The following LRRC41 variants were observed in gnomAD, a reference collection of about 807,000 sequenced individuals.
LRRC41 encodes leucine-rich repeat-containing protein 41.
LRRC41 carries 17 observed loss-of-function variants against 72.1 expected under a neutral mutation model. The observed-to-expected ratio is 0.24, with a 90% CI of 0.16 to 0.35. The LOEUF (loss-of-function observed/expected upper bound fraction) is 0.35, where lower values mean the gene tolerates loss of function less well. Among genes scored for constraint, LRRC41 ranks in the 10% least tolerant of loss-of-function variants. LRRC41 has a pLI of 1.00. For missense variants in LRRC41, 759 were observed against 1,065.0 expected (o/e 0.71, Z 4.00); for synonymous variants, 427 against 431.0 (o/e 0.99, Z 0.11).
intron 1 of LRRC41, among the ~76,000 whole-genome samples, chr1:46,301,410 G>C (rs1661220202): frequency 1.3e-5 from 2 of 152,016 alleles, no homozygotes; most frequent in African/African-American, 4.8e-5. Context: ...TCAGCTCTAC[G>C]GAGCCTTTCC....
At position 46,285,201 on chromosome 1, in the gene LRRC41, T is replaced by C. The variant is rs1363952945; in HGVS notation, c.1495+161A>G. The C allele has an allele frequency of 1.4e-6, 1 of 694,558 alleles. No homozygotes were observed. The highest frequency in any genetic ancestry group is 2.5e-6 in the Non-Finnish European group (1 of 398,858). The allele number at this position is 694,558 out of a possible 1,614,324, so 43.0% of individuals were successfully genotyped here. ...AGTGTATAGACTTTATGTTCCTCTC[T>C]TCTAGCAATGACAGTCTCCCCTGCT... On this transcript the variant is annotated intron_variant, in intron 4 of 9. Transcript: ENST00000617190. This position sits in a 1 kb window ranked among gnomAD's most constrained non-coding sequence, Gnocchi z 5.3.
chr1:46,303,429 T>G lies in LRRC41; in HGVS notation c.-107A>C, dbSNP rs72883426. ...CGATATGGGGAAGAATGTGAATTAT[T>G]CTAAAGAAATTTCGAAGAAATTAGC... On this transcript the variant is annotated 5_prime_UTR_variant, in exon 1 of 10. Coordinates refer to ENST00000617190, the MANE Select transcript of LRRC41 (RefSeq NM_006369.5). The G allele has an allele frequency of 3.0e-3, 3,344 of 1,115,530 alleles. 48 individuals are homozygous for G. The highest frequency in any genetic ancestry group is 0.024 in the African/African-American group (1,519 of 62,920). 69.1% of individuals were successfully genotyped at this position (1,115,530 alleles called of 1,614,324 possible).
chr1:46,291,519 T>C lies in LRRC41; in HGVS notation c.358-5020A>G, dbSNP rs144263467. ...ACAGCTAATTTTTAAATTTTTTCTGTAGAGATAAGGTCTCACTGTGTTGCC... is the reference window on the plus strand; with the variant it reads ...ACAGCTAATTTTTAAATTTTTTCTGCAGAGATAAGGTCTCACTGTGTTGCC... On this transcript the variant is annotated intron_variant, in intron 3 of 9. Coordinates refer to ENST00000617190, the MANE Select transcript of LRRC41 (RefSeq NM_006369.5). Among the ~76,000 whole-genome samples the C allele has an allele frequency of 4.7e-5, 7 of 150,376 alleles. No individual in the cohort carries two copies. In the East Asian group the frequency reaches 1.4e-3, roughly 29 times the overall value.
chr1:46,303,504 C>T lies in LRRC41; in HGVS notation c.-182G>A, dbSNP rs1235028569. 4 of 744,762 alleles carry T rather than the reference C, an allele frequency of 5.4e-6. No homozygotes were observed. The highest frequency in any genetic ancestry group is 6.4e-6 in the Non-Finnish European group (3 of 470,000). The allele number at this position is 744,762 out of a possible 1,614,324, so 46.1% of individuals were successfully genotyped here. A position where few individuals can be genotyped will look rare whatever the true frequency, so the allele number is the denominator to read the frequency against. The stretch of plus-strand genomic sequence containing the variant: ...TACTATTTTAGATAAACTCCTAGAT[C>T]AATTATACTTGGGTGTGGTATGACT... On this transcript the variant is annotated 5_prime_UTR_variant, in exon 1 of 10. Coordinates refer to ENST00000617190, the MANE Select transcript of LRRC41 (RefSeq NM_006369.5).
rs767765186 is a variant in LRRC41, at chr1:46,278,925, A to G, written c.2379T>C (p.His793=). 3.1e-6 allele frequency: 5 copies of G among 1,613,704 alleles called. No individual in the cohort carries two copies. The highest frequency in any genetic ancestry group is 3.3e-5 in the Admixed American group (2 of 59,980). Residue 793 remains histidine (H), a synonymous_variant, in exon 10 of 10, where the codon CAT becomes CAC. Transcript: ENST00000617190. The part of the protein sequence containing the change: ...EAIRRLRATC[H]VVSDSWDSSQ... Reference sequence around the variant, plus strand: ...ATGAGTCCCATGAGTCGCTAACCACATGGCAGGTAGCCCGGAGCCGCCGGA... The same window carrying G: ...ATGAGTCCCATGAGTCGCTAACCACGTGGCAGGTAGCCCGGAGCCGCCGGA...
In LRRC41 at chr1:46,302,874, G is replaced by C. The variant is rs1034430148; in HGVS notation, c.199+250C>G. 8.1e-6 allele frequency: 8 copies of C among 985,198 alleles called. No homozygotes were observed. The highest frequency in any genetic ancestry group is 3.5e-5 in the African/African-American group (2 of 57,194). The allele number at this position is 985,198 out of a possible 1,614,324, so 61.0% of individuals were successfully genotyped here. On this transcript the variant is annotated intron_variant, in intron 1 of 9. Transcript: ENST00000617190. The surrounding 1 kb of genome is among the most constrained non-coding windows in gnomAD (Gnocchi z 4.7). ...GGCCCAGCCTGCTTCGCTCCAGACC[G>C]GGCCTCCTGGCCTCGCCCCCCGCGC...
At chr1:46,290,273 A>T (rs888479125) in intron 3 of LRRC41, among the ~76,000 whole-genome samples, 1 of 152,156 alleles carries the variant, frequency 6.6e-6, no homozygotes, top group Non-Finnish European at 1.5e-5. Flanking sequence ...AGCTGGGCAT[A>T]GTGGTGCATG....
intron 3 of LRRC41, among the ~76,000 whole-genome samples, chr1:46,290,609 T>A (rs1282314981): frequency 2.0e-5 from 3 of 151,978 alleles, no homozygotes; most frequent in African/African-American, 4.8e-5. Context: ...TTTCCATTGT[T>A]TCTAGCTTTT....
chr1:46,282,862 G>A (rs190987505), intron 4 of LRRC41, among the ~76,000 whole-genome samples: 4 of 151,922 alleles, frequency 2.6e-5, no homozygotes, highest in Admixed American at 6.6e-5. Flanking sequence ...GTGAAACCCC[G>A]TCTCTACTAA....
Position 46,285,177 on chromosome 1 carries a change from G to A in LRRC41, c.1495+185C>T, listed in dbSNP as rs1157909092. On this transcript the variant is annotated intron_variant, in intron 4 of 9. Transcript: ENST00000617190. This position sits in a 1 kb window ranked among gnomAD's most constrained non-coding sequence, Gnocchi z 5.3. ...ACCCCTGCTTTCAACAACTAATCAA[G>A]TGTATAGACTTTATGTTCCTCTCTT... The A allele has an allele frequency of 4.7e-6, 3 of 634,202 alleles. No individual in the cohort carries two copies. Among genetic ancestry groups the A allele is most frequent in the Admixed American group, 2.9e-5 (1 of 34,738 alleles). 39.3% of individuals were successfully genotyped at this position (634,202 alleles called of 1,614,324 possible). A position where few individuals can be genotyped will look rare whatever the true frequency, so the allele number is the denominator to read the frequency against.
Position 46,280,575 on chromosome 1 carries a change from G to A in LRRC41, c.1757-15C>T. ...CAGGCAGTTTTCTGGATATGGTGGG[G>A]AAAGAAGATTCCAGCTGGCCATCTC... is the stretch of plus-strand genomic sequence containing the variant. On this transcript the variant is annotated splice_polypyrimidine_tract_variant and intron_variant, in intron 5 of 9. Coordinates refer to ENST00000617190, the MANE Select transcript of LRRC41 (RefSeq NM_006369.5). 1 of 1,611,596 alleles carries A rather than the reference G, an allele frequency of 6.2e-7. No individual in the cohort carries two copies. The highest frequency in any genetic ancestry group is 2.2e-5 in the East Asian group (1 of 44,832).
At position 46,286,586 on chromosome 1, in the gene LRRC41, T is replaced by C; in HGVS notation, c.358-87A>G. On this transcript the variant is annotated intron_variant, in intron 3 of 9. Coordinates refer to ENST00000617190, the MANE Select transcript of LRRC41 (RefSeq NM_006369.5). The surrounding 1 kb of genome is among the most constrained non-coding windows in gnomAD (Gnocchi z 5.5). Reference sequence around the variant, plus strand: ...TCTCTTCCAATAGCACACTATTTACTGAGTCAGGCAACACTACAAATTCAT... The same window carrying C: ...TCTCTTCCAATAGCACACTATTTACCGAGTCAGGCAACACTACAAATTCAT... 8.1e-7 allele frequency: 1 copy of C among 1,227,662 alleles called. No individual in the cohort carries two copies. Among genetic ancestry groups the C allele is most frequent in the Admixed American group, 2.4e-5 (1 of 41,290 alleles). 76.0% of individuals were successfully genotyped at this position (1,227,662 alleles called of 1,614,324 possible).
rs138364675 is a variant in LRRC41, at chr1:46,281,247, C to T, written c.1634G>A (p.Arg545Gln). The T allele has an allele frequency of 6.1e-5, 99 of 1,614,194 alleles. No individual in the cohort carries two copies. In the East Asian group the frequency reaches 8.2e-4, roughly 13 times the overall value. ...PILELTRAIVRALPLLRVLSI... is the reference protein window; with the variant it reads ...PILELTRAIVQALPLLRVLSI... ...GAGGACCCGTAGCAGGGGCAGTGCT[C>T]GCACGATAGCACGTGTCAGCTCCAG... The change falls in exon 5 of 10, where the codon CGA becomes CAA. Residue 545 changes from arginine (R) to glutamine (Q), a missense_variant. Physicochemically the swap from Arg to Gln is conservative, Grantham distance 43. Around this residue, in one of 4 missense-constraint regions of LRRC41, gnomAD observed 427 missense variants for 520.9 expected, o/e 0.82. Transcript: ENST00000617190.
Position 46,302,415 on chromosome 1 carries a change from T to C in LRRC41, c.199+709A>G. 1.0e-6 allele frequency: 1 copy of C among 985,368 alleles called. No individual in the cohort carries two copies. Among genetic ancestry groups the C allele is most frequent in the Non-Finnish European group, 1.2e-6 (1 of 829,912 alleles). 61.0% of individuals were successfully genotyped at this position (985,368 alleles called of 1,614,324 possible). ...GATCCGAGTGGCCTCCGGCGCTCCCTGTCCTGCGGGTCGCACGGTCGCTCG... is the reference window on the plus strand; with the variant it reads ...GATCCGAGTGGCCTCCGGCGCTCCCCGTCCTGCGGGTCGCACGGTCGCTCG... On this transcript the variant is annotated intron_variant, in intron 1 of 9. Coordinates refer to ENST00000617190, the MANE Select transcript of LRRC41 (RefSeq NM_006369.5). This position sits in a 1 kb window ranked among gnomAD's most constrained non-coding sequence, Gnocchi z 4.7.
chr1:46,292,008 A>G (rs189754151), intron 3 of LRRC41, among the ~76,000 whole-genome samples: 1 of 152,068 alleles, frequency 6.6e-6, no homozygotes, highest in Non-Finnish European at 1.5e-5. Context: ...CAACACGCCC[A>G]GCTAATTTTT....
chr1:46,302,947 G>T lies in LRRC41; in HGVS notation c.199+177C>A, dbSNP rs575696624. On this transcript the variant is annotated intron_variant, in intron 1 of 9. Coordinates refer to ENST00000617190, the MANE Select transcript of LRRC41 (RefSeq NM_006369.5). The surrounding 1 kb of genome is among the most constrained non-coding windows in gnomAD (Gnocchi z 4.7). ...GGTCAGCCTGCCCATTTAGGTCTCC[G>T]TCTTTACTCTGTCCAGCCCTGTCAG... 3.0e-6 allele frequency: 3 copies of T among 983,720 alleles called. No homozygotes were observed. The highest frequency in any genetic ancestry group is 3.6e-6 in the Non-Finnish European group (3 of 829,516). The allele number at this position is 983,720 out of a possible 1,614,324, so 60.9% of individuals were successfully genotyped here.
In LRRC41 at chr1:46,286,530, T is replaced by C. The variant is rs772811637; in HGVS notation, c.358-31A>G. 3.2e-6 allele frequency: 5 copies of C among 1,554,156 alleles called. No individual in the cohort carries two copies. Among genetic ancestry groups the C allele is most frequent in the East Asian group, 2.3e-5 (1 of 44,352 alleles). On this transcript the variant is annotated intron_variant, in intron 3 of 9. Coordinates refer to ENST00000617190, the MANE Select transcript of LRRC41 (RefSeq NM_006369.5). The surrounding 1 kb of genome is among the most constrained non-coding windows in gnomAD (Gnocchi z 5.5). ...ACGCAGAAAACATGCCAGACAGCCA[T>C]GATATATCCATGAAACTGTCCAAAT...
Position 46,279,293 on chromosome 1 carries a change from CAAG to C in LRRC41, c.2144-39_2144-37del, listed in dbSNP as rs1379917247. 6.2e-7 allele frequency: 1 copy of C among 1,608,566 alleles called. No homozygotes were observed. The highest frequency in any genetic ancestry group is 2.2e-5 in the East Asian group (1 of 44,842). On this transcript the variant is annotated intron_variant, in intron 8 of 9. Transcript: ENST00000617190. This position sits in a 1 kb window ranked among gnomAD's most constrained non-coding sequence, Gnocchi z 4.5. ...GGGGAGAACGCCTATCACCTCCACC[CAAG>C]AACAGGGGACAAGGGTATCCCAACC...
At chr1:46,290,770 C>T (rs1020597263) in intron 3 of LRRC41, among the ~76,000 whole-genome samples, 2 of 151,978 alleles carry the variant, frequency 1.3e-5, no homozygotes, top group African/African-American at 4.8e-5. Context: ...CCATGTCCAG[C>T]TAATTTTTTG....
Sources: gnomAD v4.1 joint callset for allele counts (sites outside exome capture counted in the v4.1 genomes callset) on GRCh38, gnomAD v4.1.1 for gene constraint, gnomAD v4.1.1 regional missense constraint, Gnocchi (gnomAD v3.1) non-coding constraint, MANE v1.5 for transcripts, NCBI Gene and HGNC (gene_info 2026-07-23, HGNC 2026-07-21) for gene names.